PPP4R4: variants seen among roughly 807,000 people sequenced by gnomAD.
PPP4R4 encodes the protein protein phosphatase 4 regulatory subunit 4, also known as serine/threonine-protein phosphatase 4 regulatory subunit 4.
Under a neutral mutation model 121.8 loss-of-function variants are expected in PPP4R4, and 70 were observed. The observed-to-expected ratio is 0.57, with a 90% CI of 0.47 to 0.70. The LOEUF (loss-of-function observed/expected upper bound fraction) is 0.70, where lower values mean the gene tolerates loss of function less well. PPP4R4 is among the 30% of genes least tolerant of loss of function. The pLI is 0.00. For synonymous variants in PPP4R4, 348 were observed against 355.7 expected (o/e 0.98, Z 0.24); for missense variants, 875 against 1,033.6 (o/e 0.85, Z 2.10).
chr14:94,221,024 T>A (rs1891360287), intron 3 of PPP4R4, among the ~76,000 whole-genome samples: 1 of 152,100 alleles, frequency 6.6e-6, no homozygotes, highest in African/African-American at 2.4e-5. Flanking sequence ...TACTGTATGA[T>A]TGGTGTAAAG....
chr14:94,176,477 T>C (rs1486549684), intron 2 of PPP4R4, among the ~76,000 whole-genome samples: 1 of 152,192 alleles, frequency 6.6e-6, no homozygotes, highest in Non-Finnish European at 1.5e-5. Context: ...TTTAAGTTCA[T>C]TGTAGAGTAG....
At chr14:94,277,115 A>T (rs1313649435) in intron 24 of PPP4R4, among the ~76,000 whole-genome samples, 1 of 152,150 alleles carries the variant, frequency 6.6e-6, no homozygotes, top group Non-Finnish European at 1.5e-5. Context: ...CCTGGCCAAC[A>T]TGGTGAAACC....
At chr14:94,198,131 C>T (rs1889982237) in intron 2 of PPP4R4, among the ~76,000 whole-genome samples, 1 of 152,006 alleles carries the variant, frequency 6.6e-6, no homozygotes. Flanking sequence ...CCAAAATGAT[C>T]GTATTATTTT....
chr14:94,249,935 A>T (rs1893090616), intron 14 of PPP4R4, among the ~76,000 whole-genome samples: 1 of 152,068 alleles, frequency 6.6e-6, no homozygotes, highest in Admixed American at 6.6e-5. Context: ...TGAGAGTCAA[A>T]TCTGGAGGAT....
chr14:94,184,218 A>G (rs1207731991), intron 2 of PPP4R4, among the ~76,000 whole-genome samples: 1 of 152,102 alleles, frequency 6.6e-6, no homozygotes, highest in African/African-American at 2.4e-5. Context: ...TAGTATTGAC[A>G]TTAAGAATTA....
At position 94,224,875 on chromosome 14, in the gene PPP4R4, T is replaced by A. The variant is rs542021342; in HGVS notation, c.295-5712T>A. Among the ~76,000 whole-genome samples, 323 of 151,776 alleles carry A rather than the reference T, an allele frequency of 2.1e-3. 1 individual carries two copies. The highest frequency in any genetic ancestry group is 4.3e-3 in the Admixed American group (65 of 15,256). On this transcript the variant is annotated intron_variant, in intron 3 of 24. Coordinates refer to ENST00000304338, the MANE Select transcript of PPP4R4 (RefSeq NM_058237.2). ...AGAACTGCTATTGGAAACATAATTT[T>A]ACACCAAGAAAATAAGGAAGCTTAA...
chr14:94,196,617 A>G (rs1255579540), intron 2 of PPP4R4, among the ~76,000 whole-genome samples: 1 of 151,882 alleles, frequency 6.6e-6, no homozygotes, highest in East Asian at 1.9e-4. Context: ...CCTGGCCTCA[A>G]ATCTTTTTTA....
intron 3 of PPP4R4, among the ~76,000 whole-genome samples, chr14:94,216,501 C>G (rs1891028319): frequency 1.3e-5 from 2 of 152,226 alleles, no homozygotes; most frequent in Admixed American, 1.3e-4. Context: ...CACAGAGGAG[C>G]TTTGCATCCA....
At chr14:94,237,790 C>G in intron 8 of PPP4R4, 104 bp downstream of exon 8, 1 of 1,329,994 alleles carries the variant, frequency 7.5e-7, no homozygotes, top group Non-Finnish European at 1.0e-6. Flanking sequence ...CTATGTTAAG[C>G]CTCCCTTCCT....
intron 19 of PPP4R4, 152 bp from the exon 20 acceptor site, chr14:94,264,726 C>T (rs773629854): frequency 1.6e-6 from 1 of 634,112 alleles, no homozygotes; most frequent in Non-Finnish European, 2.8e-6. Context: ...CTGAAAGAAC[C>T]CTGAATTCTT....
chr14:94,229,552 T>C (rs530127523), intron 3 of PPP4R4, among the ~76,000 whole-genome samples: 1 of 152,342 alleles, frequency 6.6e-6, no homozygotes, highest in African/African-American at 2.4e-5. Flanking sequence ...CAATAGTAAT[T>C]ATTTAAACGT....
At chr14:94,178,571 G>A (rs1202891536) in intron 2 of PPP4R4, among the ~76,000 whole-genome samples, 5 of 151,898 alleles carry the variant, frequency 3.3e-5, no homozygotes, top group East Asian at 3.8e-4. Flanking sequence ...TACTGTCATC[G>A]ATAAAAAACA....
chr14:94,255,519 T>A (rs1893419961), intron 16 of PPP4R4, among the ~76,000 whole-genome samples: 1 of 151,504 alleles, frequency 6.6e-6, no homozygotes, highest in Non-Finnish European at 1.5e-5. Flanking sequence ...GAGAATGGCA[T>A]GAACCTGGGA....
chr14:94,238,838 A>G (rs1278661260), intron 8 of PPP4R4, among the ~76,000 whole-genome samples: 1 of 152,236 alleles, frequency 6.6e-6, no homozygotes, highest in Non-Finnish European at 1.5e-5. Context: ...TGGAAATTCC[A>G]GAACAGTCAT....
chr14:94,174,507 G>A lies in PPP4R4; in HGVS notation c.42G>A (p.Gln14=), dbSNP rs765235593. 2 of 1,612,082 alleles carry A rather than the reference G, an allele frequency of 1.2e-6. No homozygotes were observed. The highest frequency in any genetic ancestry group is 1.1e-5 in the South Asian group (1 of 91,052). The change falls in exon 1 of 25, where the codon CAG becomes CAA. Residue 14 remains glutamine, a synonymous_variant. Coordinates refer to ENST00000304338, the MANE Select transcript of PPP4R4 (RefSeq NM_058237.2). ...CCGCCGCCGCGATGGATTTCAGTCA[G>A]AACAGCCTGTTCGGTTACATGGAGG... ...PPPAAAMDFS[Q]NSLFGYMEDL...
intron 1 of PPP4R4, 47 bp from the exon 2 acceptor site, chr14:94,176,007 C>A: frequency 6.7e-7 from 1 of 1,486,984 alleles, no homozygotes; most frequent in Non-Finnish European, 9.4e-7. Flanking sequence ...GGGGGCAAGA[C>A]TGAACCAATA....
intron 19 of PPP4R4, among the ~76,000 whole-genome samples, chr14:94,260,090 AT>A (rs1893695675): frequency 6.6e-6 from 1 of 152,098 alleles, no homozygotes; most frequent in Non-Finnish European, 1.5e-5. Context: ...AGAATGGCTG[AT>A]TTGTATGGCA....
chr14:94,261,386 A>G (rs1893776930), intron 19 of PPP4R4, among the ~76,000 whole-genome samples: 1 of 152,120 alleles, frequency 6.6e-6, no homozygotes, highest in Admixed American at 6.5e-5. Flanking sequence ...TTGCTGGAGT[A>G]TAAGAATACT....
At chr14:94,239,692 C>G (rs1276903774) in intron 8 of PPP4R4, among the ~76,000 whole-genome samples, 2 of 151,948 alleles carry the variant, frequency 1.3e-5, no homozygotes, top group Non-Finnish European at 2.9e-5. Context: ...AAGAACAGAG[C>G]TGAGTAGTTG....
Sources: allele counts gnomAD v4.1 joint callset (sites outside exome capture counted in the v4.1 genomes callset), GRCh38; gene constraint gnomAD v4.1.1; transcripts MANE v1.5; gene names NCBI Gene and HGNC (gene_info 2026-07-23, HGNC 2026-07-21).